TRAM1: variants seen among roughly 807,000 people sequenced by gnomAD.
The protein encoded by TRAM1 is translocation associated membrane protein 1.
TRAM1 carries 17 observed loss-of-function variants against 48.7 expected under a neutral mutation model. That is an observed-to-expected ratio of 0.35 (90% CI 0.24 to 0.52). TRAM1 has a LOEUF of 0.52. Among genes scored for constraint, TRAM1 ranks in the 20% least tolerant of loss-of-function variants. TRAM1 has a pLI of 0.94. For missense variants in TRAM1, 351 were observed against 441.5 expected, an observed-to-expected ratio of 0.79 and a Z score of 1.84; for synonymous variants, 182 against 154.0, an observed-to-expected ratio of 1.18 and a Z score of -1.34.
At chr8:70,588,193 G>A (rs1817267272) in intron 6 of TRAM1, among the ~76,000 whole-genome samples, 2 of 151,968 alleles carry the variant, frequency 1.3e-5, no homozygotes, top group African/African-American at 4.8e-5. Context: ...CTCCAGCTTG[G>A]GTGACAGAGC....
intron 6 of TRAM1, among the ~76,000 whole-genome samples, chr8:70,589,460 C>A (rs972821692): frequency 1.3e-4 from 20 of 152,100 alleles, no homozygotes; most frequent in African/African-American, 4.3e-4. Context: ...TATATATATG[C>A]CAGTGTTTCC....
At chr8:70,582,581 G>C (rs929994686) in intron 10 of TRAM1, among the ~76,000 whole-genome samples, 7 of 150,182 alleles carry the variant, frequency 4.7e-5, no homozygotes, top group African/African-American at 1.7e-4. Flanking sequence ...ACTTACAAAG[G>C]AGTAAACCAG....
chr8:70,588,567 G>A (rs980854546), intron 6 of TRAM1, among the ~76,000 whole-genome samples: 7 of 152,098 alleles, frequency 4.6e-5, no homozygotes, highest in South Asian at 2.1e-4. Flanking sequence ...CAGCCTGGGC[G>A]GCAGAGCCAG....
At chr8:70,606,868 T>C in intron 1 of TRAM1, 7 of 982,368 alleles carry the variant, frequency 7.1e-6, no homozygotes, top group Non-Finnish European at 8.5e-6. Flanking sequence ...AAAAAGAAAA[T>C]GTATTCACCT....
At chr8:70,603,374 G>C (rs1468993540) in intron 1 of TRAM1, among the ~76,000 whole-genome samples, 1 of 151,584 alleles carries the variant, frequency 6.6e-6, no homozygotes, top group Non-Finnish European at 1.5e-5. Flanking sequence ...CCTGTTTCCA[G>C]TTTGTAATAT....
chr8:70,603,172 T>C (rs990523314), intron 1 of TRAM1, among the ~76,000 whole-genome samples: 5 of 152,148 alleles, frequency 3.3e-5, no homozygotes, highest in Admixed American at 6.5e-5. Context: ...ACTACTTTCA[T>C]GTGATTATTT....
At chr8:70,594,758 C>A (rs1001979722) in intron 5 of TRAM1, among the ~76,000 whole-genome samples, 168 bp from the exon 6 acceptor site, 2 of 152,206 alleles carry the variant, frequency 1.3e-5, no homozygotes, top group African/African-American at 2.4e-5. Flanking sequence ...TTCCCCATCT[C>A]CCTGTGACAG....
chr8:70,588,321 C>T (rs1817270056), intron 6 of TRAM1, among the ~76,000 whole-genome samples: 1 of 152,152 alleles, frequency 6.6e-6, no homozygotes, highest in Non-Finnish European at 1.5e-5. Context: ...CACCATGACT[C>T]ACACTTGTCA....
chr8:70,578,640 A>C (rs1185016899), intron 10 of TRAM1, among the ~76,000 whole-genome samples: 2 of 152,220 alleles, frequency 1.3e-5, no homozygotes, highest in African/African-American at 4.8e-5. Flanking sequence ...TTCGAAAAAA[A>C]AGAAGACTCT....
At chr8:70,603,719 A>C (rs1041206524) in intron 1 of TRAM1, among the ~76,000 whole-genome samples, 19 of 152,294 alleles carry the variant, frequency 1.2e-4, no homozygotes, top group Non-Finnish European at 2.4e-4. Flanking sequence ...TCCATCTCAA[A>C]AAGAGTCCTT....
At chr8:70,576,305 A>G in intron 10 of TRAM1, among the ~76,000 whole-genome samples, 1 of 152,152 alleles carries the variant, frequency 6.6e-6, no homozygotes, top group Non-Finnish European at 1.5e-5. Flanking sequence ...ATGATCCAGA[A>G]AAGAGACAAC....
chr8:70,598,405 G>T, intron 2 of TRAM1, 150 bp from the exon 3 acceptor site: 1 of 605,320 alleles, frequency 1.7e-6, no homozygotes, highest in Non-Finnish European at 2.5e-6. Flanking sequence ...TGGACATCTT[G>T]AGTCTTAGAG....
chr8:70,582,140 T>G (rs914981115), intron 10 of TRAM1, among the ~76,000 whole-genome samples: 1 of 152,154 alleles, frequency 6.6e-6, no homozygotes, highest in African/African-American at 2.4e-5. Context: ...AAATATTACT[T>G]GGAGAAATTA....
intron 1 of TRAM1, chr8:70,607,419 T>C (rs1468406758): frequency 2.7e-5 from 27 of 985,344 alleles, no homozygotes; most frequent in Admixed American, 1.2e-4. Flanking sequence ...AATATCAGTT[T>C]AAAAGACAAA....
chr8:70,600,153 CATT>C (rs1031052990), intron 1 of TRAM1, 71 bp from the exon 2 acceptor site: 23 of 1,245,336 alleles, frequency 1.8e-5, no homozygotes, highest in Non-Finnish European at 2.6e-5. Context: ...GGGGCAAAAA[CATT>C]ATAAAATCTG....
chr8:70,584,948 C>A lies in TRAM1; in HGVS notation c.747-1155G>T, dbSNP rs1468534777. ...AAACTACTTTAAAGTTCATATGGAA[C>A]CAAAAAAGAGCTCGCATCACCAAGT... On this transcript the variant is annotated intron_variant, in intron 8 of 10. Coordinates refer to ENST00000262213, the MANE Select transcript of TRAM1 (RefSeq NM_014294.6). Among the ~76,000 whole-genome samples the A allele has an allele frequency of 2.6e-5, 4 of 152,130 alleles. No individual in the cohort carries two copies. The South Asian group carries it at 8.3e-4, about 32-fold the overall frequency.
intron 1 of TRAM1, among the ~76,000 whole-genome samples, chr8:70,606,673 T>G (rs1489476747): frequency 6.6e-6 from 1 of 152,136 alleles, no homozygotes; most frequent in Non-Finnish European, 1.5e-5. Context: ...AATGTTAGTT[T>G]CCTTCTACCT....
intron 1 of TRAM1, chr8:70,606,958 G>A: frequency 2.0e-6 from 2 of 980,092 alleles, no homozygotes; most frequent in Middle Eastern, 5.2e-4. Context: ...GCACTCCTAT[G>A]TCCCAGGCAC....
chr8:70,602,431 G>T (rs1398663699), intron 1 of TRAM1, among the ~76,000 whole-genome samples: 1 of 152,176 alleles, frequency 6.6e-6, no homozygotes, highest in African/African-American at 2.4e-5. Context: ...AACGGATGGA[G>T]GCATATGACA....
Sources: allele counts gnomAD v4.1 joint callset (sites outside exome capture counted in the v4.1 genomes callset), GRCh38; gene constraint gnomAD v4.1.1; transcripts MANE v1.5; gene names NCBI Gene and HGNC (gene_info 2026-07-23, HGNC 2026-07-21).